Variants in EHMT2 observed in about 807,000 individuals in gnomAD.
EHMT2 encodes euchromatic histone lysine methyltransferase 2.
Under a neutral mutation model 143.3 loss-of-function variants are expected in EHMT2, and 59 were observed. The observed-to-expected ratio is 0.41, with a 90% confidence interval of 0.33 to 0.51. The LOEUF (loss-of-function observed/expected upper bound fraction) is 0.51. EHMT2 is among the 20% of genes least tolerant of loss of function. The pLI is 0.18. For synonymous variants in EHMT2, 604 were observed against 651.5 expected (o/e 0.93, Z 1.11); for missense variants, 1,174 against 1,645.9 (o/e 0.71, Z 4.96).
At chr6:31,890,648 G>A (rs535057052) in intron 7 of EHMT2, among the ~76,000 whole-genome samples, 10 of 150,478 alleles carry the variant, frequency 6.6e-5, no homozygotes, top group Admixed American at 4.6e-4. Context: ...GGCAGATCAC[G>A]AGATCAGGAG....
In EHMT2 at chr6:31,880,076, G is replaced by C. The variant is rs760833882; in HGVS notation, c.*8C>G. 6.2e-7 allele frequency: 1 copy of C among 1,611,088 alleles called. No homozygotes were observed. The highest frequency in any genetic ancestry group is 8.5e-7 in the Non-Finnish European group (1 of 1,179,246). On this transcript the variant is annotated 3_prime_UTR_variant, in exon 28 of 28. Transcript: ENST00000375537. This position sits in a 1 kb window ranked among gnomAD's most constrained non-coding sequence, Gnocchi z 6.6. ...ATCCATGCTGGGGAGAGAGGGTGTGGTCCGTTCTCATGTGTTGACAGGGGG... is the reference window on the plus strand; with the variant it reads ...ATCCATGCTGGGGAGAGAGGGTGTGCTCCGTTCTCATGTGTTGACAGGGGG...
At position 31,880,615 on chromosome 6, in the gene EHMT2, C is replaced by T; in HGVS notation, c.3452+58G>A. 4 of 1,580,458 alleles carry T rather than the reference C, an allele frequency of 2.5e-6. No individual in the cohort carries two copies. Among genetic ancestry groups the T allele is most frequent in the Admixed American group, 3.4e-5 (2 of 59,162 alleles). ...CAGGTACATGCCAGCCTTCAGGTCCCAGGTTTGCTGCATCTCCCACCCCCT... is the reference window on the plus strand; with the variant it reads ...CAGGTACATGCCAGCCTTCAGGTCCTAGGTTTGCTGCATCTCCCACCCCCT... On this transcript the variant is annotated intron_variant, in intron 27 of 27. Transcript: ENST00000375537. The surrounding 1 kb of genome is among the most constrained non-coding windows in gnomAD (Gnocchi z 6.6).
At chr6:31,882,649 G>T in intron 25 of EHMT2, 50 bp downstream of exon 25, 2 of 1,548,494 alleles carry the variant, frequency 1.3e-6, no homozygotes, top group Non-Finnish European at 8.8e-7. Flanking sequence ...AGTCAGCAGT[G>T]GCCATGTATC....
At chr6:31,886,724 C>G in intron 17 of EHMT2, 42 bp from the exon 18 acceptor site, 1 of 1,613,876 alleles carries the variant, frequency 6.2e-7, no homozygotes, top group Non-Finnish European at 8.5e-7. Context: ...GCTGGCACCC[C>G]AAACCTGGTC....
Position 31,888,676 on chromosome 6 carries a change from T to C in EHMT2, c.1288A>G (p.Met430Val). The C allele has an allele frequency of 6.2e-7, 1 of 1,613,832 alleles. No homozygotes were observed. The change falls in exon 11 of 28, where the codon ATG (methionine) becomes GTG (valine). Residue 430 changes from methionine to valine, a missense_variant. Physicochemically the swap from Met to Val is conservative, Grantham distance 21 (BLOSUM62 1). Around this residue, in one of 6 missense-constraint regions of EHMT2, gnomAD observed 608 missense variants for 903.7 expected, o/e 0.67. Coordinates refer to ENST00000375537, the Ensembl canonical transcript of EHMT2. This position sits in a 1 kb window ranked among gnomAD's most constrained non-coding sequence, Gnocchi z 7.4. Reference sequence around the variant, plus strand: ...ATGCGGTCAATCTTGGGTGCCTCCATGCGGCAGCTGCACAGGGGCAACTCC... The same window carrying C: ...ATGCGGTCAATCTTGGGTGCCTCCACGCGGCAGCTGCACAGGGGCAACTCC...
In EHMT2 at chr6:31,883,240, T is replaced by A. The variant is rs745720872; in HGVS notation, c.2994+122A>T. The A allele has an allele frequency of 9.1e-7, 1 of 1,101,198 alleles. No homozygotes were observed. Among genetic ancestry groups the A allele is most frequent in the Non-Finnish European group, 1.3e-6 (1 of 749,120 alleles). The allele number at this position is 1,101,198 out of a possible 1,614,324, so 68.2% of individuals were successfully genotyped here. A position where few individuals can be genotyped will look rare whatever the true frequency, so the allele number is the denominator to read the frequency against. On this transcript the variant is annotated intron_variant, in intron 23 of 27. Coordinates refer to ENST00000375537, the Ensembl canonical transcript of EHMT2. This position sits in a 1 kb window ranked among gnomAD's most constrained non-coding sequence, Gnocchi z 5.6. ...AGGATTCCCAGGCCTTGCCCAGTCC[T>A]CTCAGTCACTTCCCCCACAGGGTAG...
In EHMT2 at chr6:31,889,680, A is replaced by T; in HGVS notation, c.865-78T>A. 6.4e-7 allele frequency: 1 copy of T among 1,569,556 alleles called. No individual in the cohort carries two copies. Reference sequence around the variant, plus strand: ...GTGAGTAAAGAAAACCACCACCACCATTGCCCCCCGCCACTACCCACGGAT... The same window carrying T: ...GTGAGTAAAGAAAACCACCACCACCTTTGCCCCCCGCCACTACCCACGGAT... On this transcript the variant is annotated intron_variant, in intron 7 of 27. Coordinates refer to ENST00000375537, the Ensembl canonical transcript of EHMT2. This position sits in a 1 kb window ranked among gnomAD's most constrained non-coding sequence, Gnocchi z 5.1.
Position 31,881,255 on chromosome 6 carries a change from A to T in EHMT2, c.3198-163T>A. On this transcript the variant is annotated intron_variant, in intron 25 of 27. Coordinates refer to ENST00000375537, the Ensembl canonical transcript of EHMT2. This position sits in a 1 kb window ranked among gnomAD's most constrained non-coding sequence, Gnocchi z 4.8. Reference sequence around the variant, plus strand: ...AGCAGTGGTGGGCAAGTGAAAGGGCAGCATTCCAGCCTTGACAGAGGAAGC... The same window carrying T: ...AGCAGTGGTGGGCAAGTGAAAGGGCTGCATTCCAGCCTTGACAGAGGAAGC... 1.5e-6 allele frequency: 1 copy of T among 678,416 alleles called. No individual in the cohort carries two copies. The highest frequency in any genetic ancestry group is 1.6e-5 in the South Asian group (1 of 61,658). The allele number at this position is 678,416 out of a possible 1,614,324, so 42.0% of individuals were successfully genotyped here.
At chr6:31,891,777 G>A (rs1360252561) in intron 7 of EHMT2, among the ~76,000 whole-genome samples, 1 of 152,068 alleles carries the variant, frequency 6.6e-6, no homozygotes, top group African/African-American at 2.4e-5. Flanking sequence ...ACAGCATAAC[G>A]TATGTTTTAA....
At position 31,881,590 on chromosome 6, in the gene EHMT2, G is replaced by A. The variant is rs1439285299; in HGVS notation, c.3198-498C>T. The A allele has an allele frequency of 1.0e-5, 2 of 192,216 alleles. No homozygotes were observed. Among genetic ancestry groups the A allele is most frequent in the African/African-American group, 2.3e-5 (1 of 43,682 alleles). The allele number at this position is 192,216 out of a possible 1,614,324, so 11.9% of individuals were successfully genotyped here. On this transcript the variant is annotated intron_variant, in intron 25 of 27. Coordinates refer to ENST00000375537, the Ensembl canonical transcript of EHMT2. This position sits in a 1 kb window ranked among gnomAD's most constrained non-coding sequence, Gnocchi z 4.8. Reference sequence around the variant, plus strand: ...GCAGACATGGGAGATTCAGACACACGGAGAGGACGTGGGTGGGAAGTGACT... The same window carrying A: ...GCAGACATGGGAGATTCAGACACACAGAGAGGACGTGGGTGGGAAGTGACT...
At chr6:31,896,126 C>T in intron 4 of EHMT2, 137 bp downstream of exon 4, 1 of 1,256,804 alleles carries the variant, frequency 8.0e-7, no homozygotes, top group Non-Finnish European at 1.1e-6. Flanking sequence ...AGATCAAGCA[C>T]AGCCTAATAT....
chr6:31,892,417 G>A (rs772988696), exon 7 of EHMT2: 1 of 1,612,878 alleles, frequency 6.2e-7, no homozygotes, highest in Non-Finnish European at 8.5e-7. Flanking sequence ...CTTGCTGTCG[G>A]AGTCCACGCG....
In EHMT2 at chr6:31,880,269, CAG is replaced by C. The variant is rs766043970; in HGVS notation, c.3453-7_3453-6del. The C allele has an allele frequency of 1.0e-5, 16 of 1,607,194 alleles. No individual in the cohort carries two copies. Among genetic ancestry groups the C allele is most frequent in the African/African-American group, 5.3e-5 (4 of 74,814 alleles). ...AAGCGGTCGCCATAGTCAAACCTGTCAGAGGAAAACAGGAGCTTGTGGGACCT... is the reference window on the plus strand; with the variant it reads ...AAGCGGTCGCCATAGTCAAACCTGTCAGGAAAACAGGAGCTTGTGGGACCT... On this transcript the variant is annotated splice_polypyrimidine_tract_variant and splice_region_variant and intron_variant, in intron 27 of 27. Transcript: ENST00000375537. This position sits in a 1 kb window ranked among gnomAD's most constrained non-coding sequence, Gnocchi z 6.6.
intron 4 of EHMT2, 32 bp from the exon 5 acceptor site, chr6:31,892,942 A>G: frequency 1.3e-6 from 2 of 1,484,420 alleles, no homozygotes; most frequent in Non-Finnish European, 1.8e-6. Context: ...ACTGAGGGTC[A>G]GAGAGCACCT....
Position 31,883,927 on chromosome 6 carries a change from T to C in EHMT2, c.2795A>G (p.Asn932Ser). 1 of 1,613,850 alleles carries C rather than the reference T, an allele frequency of 6.2e-7. No individual in the cohort carries two copies. Among genetic ancestry groups the C allele is most frequent in the South Asian group, 1.1e-5 (1 of 91,072 alleles). Residue 932 changes from asparagine to serine, a missense_variant, in exon 22 of 28, where the codon AAC becomes AGC. By Grantham distance (46) the Asn-to-Ser change is conservative. Transcript: ENST00000375537. The surrounding 1 kb of genome is among the most constrained non-coding windows in gnomAD (Gnocchi z 5.6). ...ACCGTTGACACAGGGAATGGGCACG[T>C]TCTCATAGCCCCGAGCCACGTCCCT...
intron 2 of EHMT2, 32 bp downstream of exon 2, chr6:31,896,891 G>A (rs971935559): frequency 8.7e-6 from 14 of 1,610,954 alleles, no homozygotes; most frequent in Admixed American, 5.0e-5. Flanking sequence ...GAAGGTGACG[G>A]TCCAATTGGG....
intron 25 of EHMT2, 89 bp downstream of exon 25, chr6:31,882,610 A>G: frequency 1.6e-6 from 2 of 1,275,904 alleles, no homozygotes; most frequent in Non-Finnish European, 2.2e-6. Context: ...GTGACTCATC[A>G]GGGCAGATGG....
rs779450259 is a variant in EHMT2 at position 31,886,764 on chromosome 6, T to C, written c.2241+11A>G. On this transcript the variant is annotated intron_variant, in intron 17 of 27. Transcript: ENST00000375537. Reference sequence around the variant, plus strand: ...ACTCCGGGGGCCACGCCCTGCTGCCTGCGCGCACACCTTGCTATAGACACA... The same window carrying C: ...ACTCCGGGGGCCACGCCCTGCTGCCCGCGCGCACACCTTGCTATAGACACA... 1.1e-5 allele frequency: 18 copies of C among 1,614,076 alleles called. No homozygotes were observed. The highest frequency in any genetic ancestry group is 8.3e-5 in the Admixed American group (5 of 60,014).
In EHMT2 at chr6:31,887,115, C is replaced by A; in HGVS notation, c.2012-14G>T. On this transcript the variant is annotated splice_polypyrimidine_tract_variant and intron_variant, in intron 15 of 27. Transcript: ENST00000375537. Reference sequence around the variant, plus strand: ...CCAGGTTGTCCACTGCGGGGAGAGCCCGCCACACCGGGAGAGGGAGGGACA... The same window carrying A: ...CCAGGTTGTCCACTGCGGGGAGAGCACGCCACACCGGGAGAGGGAGGGACA... The A allele has an allele frequency of 6.3e-7, 1 of 1,584,904 alleles. No individual in the cohort carries two copies. The highest frequency in any genetic ancestry group is 8.6e-7 in the Non-Finnish European group (1 of 1,161,630).
Sources: gnomAD v4.1 joint callset for allele counts (sites outside exome capture counted in the v4.1 genomes callset) on GRCh38, gnomAD v4.1.1 for gene constraint, gnomAD v4.1.1 regional missense constraint, Gnocchi (gnomAD v3.1) non-coding constraint, MANE v1.5 for transcripts, NCBI Gene and HGNC (gene_info 2026-07-23, HGNC 2026-07-21) for gene names.